Variants in MYO1H observed in about 807,000 individuals in gnomAD.
The protein encoded by MYO1H is myosin IH.
In MYO1H, 118 loss-of-function variants were observed where a neutral mutation model predicts 149.3. The observed-to-expected ratio is 0.79, with a 90% CI of 0.68 to 0.92. The LOEUF is 0.92. MYO1H is among the 40% of genes least tolerant of loss of function. MYO1H has a pLI of 0.00. For synonymous variants in MYO1H, 447 were observed against 465.2 expected, an observed-to-expected ratio of 0.96 and a Z score of 0.50; for missense variants, 1,212 against 1,280.7, an observed-to-expected ratio of 0.95 and a Z score of 0.82.
chr12:109,442,796 T>TGCC (rs749860118), intron 27 of MYO1H, among the ~76,000 whole-genome samples: 2,182 of 89,374 alleles, frequency 0.024, 84 homozygotes, highest in African/African-American at 0.029. Flanking sequence ...GTGTCTGCTC[T>TGCC]TTTTTTTTTT....
chr12:109,430,928 A>AAT (rs34997794), intron 19 of MYO1H, among the ~76,000 whole-genome samples: 38,832 of 151,070 alleles, frequency 0.26, 5,116 homozygotes, highest in Admixed American at 0.33. Context: ...CTGTATCAAA[A>AAT]ATATATATAC....
intron 1 of MYO1H, among the ~76,000 whole-genome samples, chr12:109,361,296 C>T (rs1028318087): frequency 4.6e-5 from 7 of 152,136 alleles, no homozygotes; most frequent in Non-Finnish European, 8.8e-5. Context: ...GGTTCTAGCA[C>T]CCCAGAAACC....
At chr12:109,364,123 A>C (rs1202975513) in intron 1 of MYO1H, among the ~76,000 whole-genome samples, 1 of 148,990 alleles carries the variant, frequency 6.7e-6, no homozygotes, top group African/African-American at 2.5e-5. Flanking sequence ...GTGAGCCAAG[A>C]TCATGCCACT....
At chr12:109,356,399 T>C (rs1868604091) in intron 1 of MYO1H, among the ~76,000 whole-genome samples, 1 of 151,904 alleles carries the variant, frequency 6.6e-6, no homozygotes, top group Non-Finnish European at 1.5e-5. Context: ...GTTTTTTTTT[T>C]GTTTTTTTAC....
chr12:109,416,546 A>G (rs1476183222), intron 15 of MYO1H, among the ~76,000 whole-genome samples: 1 of 152,102 alleles, frequency 6.6e-6, no homozygotes, highest in Non-Finnish European at 1.5e-5. Context: ...TTGTTCATGC[A>G]TTCATCAATA....
chr12:109,374,145 G>C (rs1869044748), intron 1 of MYO1H, among the ~76,000 whole-genome samples: 1 of 152,218 alleles, frequency 6.6e-6, no homozygotes, highest in African/African-American at 2.4e-5. Flanking sequence ...TTCCGCAGTT[G>C]TACACAGCAT....
intron 1 of MYO1H, among the ~76,000 whole-genome samples, chr12:109,362,371 A>C (rs752529612): frequency 2.2e-4 from 33 of 152,218 alleles, no homozygotes; most frequent in Non-Finnish European, 3.8e-4. Context: ...TTATTATTGA[A>C]AATTATGTCA....
At chr12:109,359,562 T>A (rs1463780831) in intron 1 of MYO1H, 2 of 152,182 alleles carry the variant, frequency 1.3e-5, no homozygotes, top group Admixed American at 6.5e-5. Context: ...CCCAGCCCCT[T>A]ATAAATGGGC....
At chr12:109,441,529 G>A in intron 25 of MYO1H, 86 bp from the exon 26 acceptor site, 1 of 799,950 alleles carries the variant, frequency 1.3e-6, no homozygotes, top group Non-Finnish European at 2.0e-6. Context: ...ATCCAGCAAA[G>A]GATGTGACCT....
At position 109,401,738 on chromosome 12, in the gene MYO1H, C is replaced by CT. The variant is rs375179253; in HGVS notation, c.750+477dup. 3.0e-3 allele frequency among the ~76,000 whole-genome samples: 437 copies of CT among 147,140 alleles called. 2 individuals carry two copies. Among genetic ancestry groups the CT allele is most frequent in the African/African-American group, 9.4e-3 (378 of 40,162 alleles). ...CTATCTCATTCTGCTTTCAAACTACCTTTTTTTTTTTCTTTTTTTGGGACA... is the reference window on the plus strand; with the variant it reads ...CTATCTCATTCTGCTTTCAAACTACCTTTTTTTTTTTTCTTTTTTTGGGACA... On this transcript the variant is annotated intron_variant, in intron 6 of 31. Coordinates refer to ENST00000310903, the Ensembl canonical transcript of MYO1H.
At chr12:109,327,110 TCTTTTCTTTTTC>T in the MYO1H span, among the ~76,000 whole-genome samples, 3 of 149,584 alleles carry the variant, frequency 2.0e-5, no homozygotes, top group African/African-American at 7.5e-5. Context: ...ATTTAATTTT[TCTTTTCTTTTTC>T]TTTTTCTTTT....
chr12:109,442,795 C>CTGCCTTTT lies in MYO1H; in HGVS notation c.2688+524_2688+525insGCCTTTTT, dbSNP rs1165995755. On this transcript the variant is annotated intron_variant, in intron 27 of 31. Transcript: ENST00000310903. Reference sequence around the variant, plus strand: ...GTGATCGTGTGTGCCAGTGTCTGCTCTTTTTTTTTTTTTTTTTTTTTTTGT... The same window carrying CTGCCTTTT: ...GTGATCGTGTGTGCCAGTGTCTGCTCTGCCTTTTTTTTTTTTTTTTTTTTTTTTTTTGT... Among the ~76,000 whole-genome samples the CTGCCTTTT allele has an allele frequency of 1.4e-4, 13 of 94,030 alleles. 1 individual carries two copies. In the East Asian group the frequency reaches 1.9e-3, roughly 14 times the overall value. The allele number at this position is 94,030 out of a possible 152,430, so 61.7% of individuals were successfully genotyped here.
In MYO1H at chr12:109,441,688, C is replaced by T. The variant is rs779265462; in HGVS notation, c.2612C>T (p.Pro871Leu). 9 of 1,611,724 alleles carry T rather than the reference C, an allele frequency of 5.6e-6. No individual in the cohort carries two copies. The highest frequency in any genetic ancestry group is 5.0e-5 in the Admixed American group (3 of 59,612). The change falls in exon 26 of 32, where the codon CCC becomes CTC. Residue 871 changes from proline to leucine, a missense_variant. Pro to Leu is a moderately conservative substitution (Grantham distance 98). Transcript: ENST00000310903. Reference sequence around the variant, plus strand: ...GGCTACACAGAAAGTTTAAATCAACCCTTTGTCAACAGTCGGATAGGTAAG... The same window carrying T: ...GGCTACACAGAAAGTTTAAATCAACTCTTTGTCAACAGTCGGATAGGTAAG...
rs113396817 is a variant in MYO1H at position 109,436,252 on chromosome 12, C to T, written c.2141-236C>T. ...TTGTAGCACTAGGTCTGTTCCTTGC[C>T]CTGGGAAAAGGAAAGGCAGGAAGGA... On this transcript the variant is annotated intron_variant, in intron 21 of 31. Transcript: ENST00000310903. Among the ~76,000 whole-genome samples the T allele has an allele frequency of 7.0e-4, 106 of 152,098 alleles. 1 individual carries two copies. The highest frequency in any genetic ancestry group is 2.4e-3 in the African/African-American group (100 of 41,474).
intron 27 of MYO1H, 53 bp downstream of exon 27, chr12:109,442,325 G>C: frequency 1.3e-6 from 2 of 1,537,168 alleles, no homozygotes; most frequent in Non-Finnish European, 1.8e-6. Flanking sequence ...TCGAGTCTAA[G>C]AGCAGGGTCC....
intron 6 of MYO1H, among the ~76,000 whole-genome samples, chr12:109,402,586 A>G (rs1870212712): frequency 6.6e-6 from 1 of 152,198 alleles, no homozygotes; most frequent in African/African-American, 2.4e-5. Flanking sequence ...TGGGCAATGT[A>G]GCAAGACCCC....
intron 2 of MYO1H, among the ~76,000 whole-genome samples, chr12:109,389,815 G>A (rs1386237124): frequency 6.6e-6 from 1 of 152,116 alleles, no homozygotes; most frequent in Non-Finnish European, 1.5e-5. Context: ...AAAAATAATT[G>A]TCTTATAGCT....
At chr12:109,436,633 T>C (rs775901792) in intron 22 of MYO1H, 77 bp downstream of exon 22, 119 of 967,844 alleles carry the variant, frequency 1.2e-4, no homozygotes, top group Non-Finnish European at 3.4e-5. Context: ...TTGTGAGTTC[T>C]CTCCCCCTGC....
rs746161718 is a variant in MYO1H, at chr12:109,432,938, G to A, written c.1991G>A (p.Gly664Glu). The A allele has an allele frequency of 4.3e-6, 7 of 1,613,898 alleles. No individual in the cohort carries two copies. In the African/African-American group the frequency reaches 9.3e-5, roughly 22 times the overall value. The stretch of plus-strand genomic sequence containing the variant: ...CCAGACACCTGGCCGCACTGGCACG[G>A]GCCTCCAGCAGAGGGCGTGGAACGG... The change falls in exon 20 of 32, where the codon GGG becomes GAG. Residue 664 changes from glycine (G) to glutamate (E), a missense_variant. Physicochemically the swap from Gly to Glu is moderately conservative, Grantham distance 98 (BLOSUM62 -2). Transcript: ENST00000310903.
Sources: gnomAD v4.1 joint callset for allele counts (sites outside exome capture counted in the v4.1 genomes callset) on GRCh38, gnomAD v4.1.1 for gene constraint, MANE v1.5 for transcripts, NCBI Gene and HGNC (gene_info 2026-07-23, HGNC 2026-07-21) for gene names.